AP2A1: variants seen among roughly 807,000 people sequenced by gnomAD.
AP2A1 encodes the protein adaptor related protein complex 2 subunit alpha 1.
A neutral mutation model predicts 107.3 loss-of-function variants in AP2A1; 21 were observed. The ratio of observed to expected loss-of-function variants is 0.20; its 90% CI spans 0.14 to 0.28. The LOEUF is 0.28. Among genes scored for constraint, AP2A1 ranks in the 10% least tolerant of loss-of-function variants. AP2A1 has a pLI of 1.00. For missense variants in AP2A1, 873 were observed against 1,307.7 expected (o/e 0.67, Z 5.13); for synonymous variants, 602 against 564.8 (o/e 1.07, Z -0.93).
At position 49,781,799 on chromosome 19, in the gene AP2A1, T is replaced by G; in HGVS notation, c.110T>G (p.Leu37Arg). ...EAEIKRINKE[L>R]ANIRSKFKGD... Reference sequence around the variant, plus strand: ...GAAATTAAGAGAATCAACAAGGAACTGGCCAACATCCGCTCCAAGTTCAAA... The same window carrying G: ...GAAATTAAGAGAATCAACAAGGAACGGGCCAACATCCGCTCCAAGTTCAAA... Residue 37 changes from leucine to arginine, a missense_variant, in exon 2 of 23, where the codon CTG becomes CGG. Transcript: ENST00000354293. 6.2e-7 allele frequency: 1 copy of G among 1,608,676 alleles called. No individual in the cohort carries two copies.
At chr19:49,774,116 A>G (rs1568573762) in intron 1 of AP2A1, among the ~76,000 whole-genome samples, 1 of 152,190 alleles carries the variant, frequency 6.6e-6, no homozygotes, top group Non-Finnish European at 1.5e-5. Context: ...ACAGATTTCA[A>G]TTTGGTATCC....
chr19:49,805,499 C>T lies in AP2A1; in HGVS notation c.2391C>T (p.Gly797=). ...GCGTGGCGGCGCAGGTGGACGGCGG[C>T]GCGCAGGTGCAGCAGGTGCTCAATA... ...TKRVAAQVDG[G]AQVQQVLNIE... The change falls in exon 19 of 23, where the codon GGC becomes GGT. Residue 797 remains glycine (G), a synonymous_variant. Transcript: ENST00000354293. 6.4e-7 allele frequency: 1 copy of T among 1,556,412 alleles called. No individual in the cohort carries two copies. The highest frequency in any genetic ancestry group is 8.7e-7 in the Non-Finnish European group (1 of 1,150,946).
At position 49,801,835 on chromosome 19, in the gene AP2A1, G is replaced by C. The variant is rs779894088; in HGVS notation, c.1899G>C (p.Arg633Ser). The C allele has an allele frequency of 1.3e-6, 2 of 1,519,850 alleles. No homozygotes were observed. Among genetic ancestry groups the C allele is most frequent in the East Asian group, 4.6e-5 (2 of 43,048 alleles). 94.1% of individuals were successfully genotyped at this position (1,519,850 alleles called of 1,614,324 possible). Reference sequence around the variant, plus strand: ...GCAGCGCCCTGGACGATGGCCGGAGGGACCCCAGCAGCAACGACATCAACG... The same window carrying C: ...GCAGCGCCCTGGACGATGGCCGGAGCGACCCCAGCAGCAACGACATCAACG... ...GAGSALDDGR[R>S]DPSSNDINGG... The change falls in exon 14 of 23, where the codon AGG becomes AGC. Residue 633 changes from arginine (R) to serine (S), a missense_variant. Physicochemically the swap from Arg to Ser is moderately radical, Grantham distance 110 (BLOSUM62 -1). Around this residue, in one of 4 missense-constraint regions of AP2A1, gnomAD observed 416 missense variants for 473.4 expected, o/e 0.88. Transcript: ENST00000354293.
At chr19:49,779,939 C>T (rs1030514497) in intron 1 of AP2A1, among the ~76,000 whole-genome samples, 4 of 152,174 alleles carry the variant, frequency 2.6e-5, no homozygotes, top group Non-Finnish European at 5.9e-5. Context: ...GAGGTGATAC[C>T]TGAAGTGAGG....
chr19:49,772,255 T>TTGTTTTG (rs1555791296), intron 1 of AP2A1, among the ~76,000 whole-genome samples: 5 of 117,208 alleles, frequency 4.3e-5, no homozygotes, highest in South Asian at 3.2e-4. Context: ...AGTTTTTTTT[T>TTGTTTTG]TTTTTTTTTT....
At position 49,793,098 on chromosome 19, in the gene AP2A1, T is replaced by C; in HGVS notation, c.705+6T>C. The C allele has an allele frequency of 6.3e-7, 1 of 1,595,706 alleles. No homozygotes were observed. The highest frequency in any genetic ancestry group is 8.5e-7 in the Non-Finnish European group (1 of 1,171,382). ...CTGTGTCGCGCCTGAGCCGGGTGGG[T>C]GTGGCCTAGATATTGGCTGCTGGAG... is the stretch of plus-strand genomic sequence containing the variant. On this transcript the variant is annotated splice_donor_region_variant and intron_variant, in intron 6 of 22. Coordinates refer to ENST00000354293, the MANE Select transcript of AP2A1 (RefSeq NM_130787.3).
Position 49,792,051 on chromosome 19 carries a change from A to C in AP2A1, c.590A>C (p.Asn197Thr). The part of the protein sequence containing the change: ...EWTARVVHLL[N>T]DQHMGVVTAA... The stretch of plus-strand genomic sequence containing the variant: ...ACGGCGCGTGTGGTACACCTGCTCA[A>C]TGACCAGCACATGGTGAGCCCCCAG... The change falls in exon 5 of 23, where the codon AAT (asparagine) becomes ACT (threonine). Residue 197 changes from asparagine (N) to threonine (T), a missense_variant. This residue lies in a region of AP2A1 where 157 missense variants were observed against 212.6 expected (regional missense o/e 0.74). Coordinates refer to ENST00000354293, the MANE Select transcript of AP2A1 (RefSeq NM_130787.3). 1.2e-6 allele frequency: 2 copies of C among 1,612,234 alleles called. No homozygotes were observed. Among genetic ancestry groups the C allele is most frequent in the Non-Finnish European group, 1.7e-6 (2 of 1,179,366 alleles).
intron 5 of AP2A1, 44 bp from the exon 6 acceptor site, chr19:49,792,947 C>T (rs893934743): frequency 1.3e-6 from 2 of 1,518,842 alleles, no homozygotes; most frequent in Non-Finnish European, 1.8e-6. Context: ...TCTCAGGTAC[C>T]ACCTCCCCCA....
intron 1 of AP2A1, among the ~76,000 whole-genome samples, chr19:49,776,016 C>T (rs2123674342): frequency 6.6e-6 from 1 of 152,222 alleles, no homozygotes; most frequent in East Asian, 1.9e-4. Context: ...CAGCACTTCC[C>T]TTGACTCTGC....
intron 4 of AP2A1, among the ~76,000 whole-genome samples, chr19:49,784,323 AG>A (rs2084712367): frequency 6.6e-6 from 1 of 152,142 alleles, no homozygotes; most frequent in Non-Finnish European, 1.5e-5. Flanking sequence ...GCTCCTCTGG[AG>A]GCTGAGGCAG....
chr19:49,801,263 A>C, intron 12 of AP2A1, 127 bp from the exon 13 acceptor site: 3 of 1,046,528 alleles, frequency 2.9e-6, no homozygotes, highest in Non-Finnish European at 4.2e-6. Flanking sequence ...GTGCCTGGGG[A>C]GGGCCACTCC....
rs956804227 is a variant in AP2A1 at position 49,793,898 on chromosome 19, C to CTTTT, written c.705+830_705+833dup. ...CAGCTCGTGCATCCACTCATTGTTT[C>CTTTT]TTTTTTTTTTTTTTTTTTTTTTTTT... On this transcript the variant is annotated intron_variant, in intron 6 of 22. Coordinates refer to ENST00000354293, the MANE Select transcript of AP2A1 (RefSeq NM_130787.3). Among the ~76,000 whole-genome samples the CTTTT allele has an allele frequency of 4.4e-4, 33 of 74,582 alleles. 1 individual carries two copies. The highest frequency in any genetic ancestry group is 1.2e-3 in the South Asian group (2 of 1,680). The allele number at this position is 74,582 out of a possible 152,430, so 48.9% of individuals were successfully genotyped here. A position where few individuals can be genotyped will look rare whatever the true frequency, so the allele number is the denominator to read the frequency against.
intron 18 of AP2A1, chr19:49,804,561 C>T (rs1181981392): frequency 6.6e-6 from 1 of 151,666 alleles, no homozygotes; most frequent in Non-Finnish European, 1.5e-5. Flanking sequence ...AAAAAAATTC[C>T]TTCTTTCATA....
At position 49,767,214 on chromosome 19, in the gene AP2A1, C is replaced by T. The variant is rs1446045492; in HGVS notation, c.67+14C>T. On this transcript the variant is annotated intron_variant, in intron 1 of 22. Coordinates refer to ENST00000354293, the MANE Select transcript of AP2A1 (RefSeq NM_130787.3). Reference sequence around the variant, plus strand: ...ACATCCGGAACTGTGAGCGCGCGGCCGGGGGACACTGGAGACGCGGGGGAG... The same window carrying T: ...ACATCCGGAACTGTGAGCGCGCGGCTGGGGGACACTGGAGACGCGGGGGAG... 1 of 1,609,842 alleles carries T rather than the reference C, an allele frequency of 6.2e-7. No individual in the cohort carries two copies. Among genetic ancestry groups the T allele is most frequent in the Non-Finnish European group, 8.5e-7 (1 of 1,178,976 alleles).
intron 18 of AP2A1, chr19:49,803,665 C>T (rs935284841): frequency 2.2e-5 from 10 of 454,770 alleles, no homozygotes; most frequent in Non-Finnish European, 3.7e-5. Flanking sequence ...TCGTCCTCCA[C>T]TGGGCTCCAT....
rs752105580 is a variant in AP2A1, at chr19:49,801,532, G to A, written c.1696G>A (p.Gly566Ser). 4.3e-6 allele frequency: 7 copies of A among 1,613,474 alleles called. No individual in the cohort carries two copies. Among genetic ancestry groups the A allele is most frequent in the Non-Finnish European group, 5.1e-6 (6 of 1,179,826 alleles). Residue 566 changes from glycine (G) to serine (S), a missense_variant, in exon 13 of 23, where the codon GGC (glycine) becomes AGC (serine). Gly to Ser is a moderately conservative substitution (Grantham distance 56, BLOSUM62 0). Around this residue, in one of 4 missense-constraint regions of AP2A1, gnomAD observed 213 missense variants for 443.5 expected, o/e 0.48. Coordinates refer to ENST00000354293, the MANE Select transcript of AP2A1 (RefSeq NM_130787.3). ...CACCATCCAGGGCGTCCTGCGGGCCGGCTCCCAGCTGCGCAATGCTGACGT... is the reference window on the plus strand; with the variant it reads ...CACCATCCAGGGCGTCCTGCGGGCCAGCTCCCAGCTGCGCAATGCTGACGT... The part of the protein sequence containing the change: ...KATIQGVLRA[G>S]SQLRNADVEL...
intron 1 of AP2A1, among the ~76,000 whole-genome samples, chr19:49,771,164 CT>C (rs1184882875): frequency 6.6e-6 from 1 of 151,598 alleles, no homozygotes; most frequent in Non-Finnish European, 1.5e-5. Context: ...TTCAGAGCTT[CT>C]TTTGGGTTCA....
intron 16 of AP2A1, 46 bp downstream of exon 16, chr19:49,803,051 G>A: frequency 2.5e-6 from 4 of 1,613,744 alleles, no homozygotes; most frequent in Non-Finnish European, 3.4e-6. Context: ...CAGGTGCGGA[G>A]CCCAGGCCAG....
chr19:49,802,769 G>T (rs773608721), intron 15 of AP2A1, 180 bp from the exon 16 acceptor site: 2 of 1,013,586 alleles, frequency 2.0e-6, no homozygotes, highest in African/African-American at 3.2e-5. Flanking sequence ...ACGGGCCAGG[G>T]TTCTATTCCC....
Sources: allele counts gnomAD v4.1 joint callset (sites outside exome capture counted in the v4.1 genomes callset), GRCh38; gene constraint gnomAD v4.1.1; regional missense constraint gnomAD v4.1.1; transcripts MANE v1.5; gene names NCBI Gene and HGNC (gene_info 2026-07-23, HGNC 2026-07-21).